KCNJ2: variants seen among roughly 807,000 people sequenced by gnomAD.
KCNJ2 encodes inward rectifier potassium channel 2.
Under a neutral mutation model 28.4 loss-of-function variants are expected in KCNJ2, and 12 were observed. That is an observed-to-expected ratio of 0.42 (90% confidence interval 0.27 to 0.68). The LOEUF (loss-of-function observed/expected upper bound fraction) is 0.68. KCNJ2 is among the 30% of genes least tolerant of loss of function. KCNJ2 has a pLI of 0.23. For synonymous variants in KCNJ2, 200 were observed against 203.2 expected, an observed-to-expected ratio of 0.98 and a Z score of 0.13; for missense variants, 320 against 551.3, an observed-to-expected ratio of 0.58 and a Z score of 4.20.
chr17:70,175,988 G>A lies in KCNJ2; in HGVS notation c.949G>A (p.Ala317Thr), dbSNP rs778898178. Reference sequence around the variant, plus strand: ...GACACAGTGCCGTAGCTCTTATCTAGCAAATGAAATCCTGTGGGGCCACCG... The same window carrying A: ...GACACAGTGCCGTAGCTCTTATCTAACAAATGAAATCCTGTGGGGCCACCG... ...MTTQCRSSYL[A>T]NEILWGHRYE... The change falls in exon 2 of 2, where the codon GCA (alanine) becomes ACA (threonine). Residue 317 changes from alanine to threonine, a missense_variant. Transcript: ENST00000243457. This position sits in a 1 kb window ranked among gnomAD's most constrained non-coding sequence, Gnocchi z 8.3. 1 of 1,614,124 alleles carries A rather than the reference G, an allele frequency of 6.2e-7. No individual in the cohort carries two copies. Among genetic ancestry groups the A allele is most frequent in the Admixed American group, 1.7e-5 (1 of 60,018 alleles).
At chr17:70,170,956 G>A (rs2074362192) in intron 1 of KCNJ2, among the ~76,000 whole-genome samples, 1 of 152,100 alleles carries the variant, frequency 6.6e-6, no homozygotes, top group Non-Finnish European at 1.5e-5. Flanking sequence ...CTAAACTCAT[G>A]TGAATTTTGC....
Position 70,178,658 on chromosome 17 carries a change from G to T in KCNJ2, c.*2335G>T, listed in dbSNP as rs1191309422. The stretch of plus-strand genomic sequence containing the variant: ...GAGAAATTTGAAAGGGGGTGGGTAT[G>T]GGGGGGGCAAGAAAGAGGGAGGGAA... On this transcript the variant is annotated 3_prime_UTR_variant, in exon 2 of 2. Transcript: ENST00000243457. The T allele has an allele frequency of 6.0e-6, 1 of 165,404 alleles. No homozygotes were observed. Among genetic ancestry groups the T allele is most frequent in the Non-Finnish European group, 1.5e-5 (1 of 67,790 alleles). 10.2% of individuals were successfully genotyped at this position (165,404 alleles called of 1,614,324 possible).
At position 70,177,268 on chromosome 17, in the gene KCNJ2, A is replaced by G. The variant is rs1193711461; in HGVS notation, c.*945A>G. ...CATGTAACTTTTTTATTTTAAGAGGAAGAAGAAGAAAGGGGCACACACACA... is the reference window on the plus strand; with the variant it reads ...CATGTAACTTTTTTATTTTAAGAGGGAGAAGAAGAAAGGGGCACACACACA... On this transcript the variant is annotated 3_prime_UTR_variant, in exon 2 of 2. Coordinates refer to ENST00000243457, the MANE Select transcript of KCNJ2 (RefSeq NM_000891.3). 6.0e-6 allele frequency: 1 copy of G among 167,018 alleles called. No individual in the cohort carries two copies. Among genetic ancestry groups the G allele is most frequent in the Non-Finnish European group, 1.5e-5 (1 of 68,164 alleles). 10.3% of individuals were successfully genotyped at this position (167,018 alleles called of 1,614,324 possible). A position where few individuals can be genotyped will look rare whatever the true frequency, so the allele number is the denominator to read the frequency against.
intron 1 of KCNJ2, among the ~76,000 whole-genome samples, 179 bp from the exon 2 acceptor site, chr17:70,174,645 T>C (rs1253931652): frequency 6.6e-6 from 1 of 152,304 alleles, no homozygotes; most frequent in East Asian, 1.9e-4. Context: ...CTTTATGCTT[T>C]TAAATAAAAG....
chr17:70,169,755 A>C (rs1312391880), intron 1 of KCNJ2, 54 bp downstream of exon 1: 1 of 153,028 alleles, frequency 6.5e-6, no homozygotes, highest in Admixed American at 6.5e-5. Context: ...TGTCCTGGGG[A>C]ATGGACTCTG....
rs1598211923 is a variant in KCNJ2, at chr17:70,176,863, T to A, written c.*540T>A. Reference sequence around the variant, plus strand: ...TTAACTGCCAAAACAAGAGCCTGATTTTTTGAGGCCAGTAATTCGTTTGCT... The same window carrying A: ...TTAACTGCCAAAACAAGAGCCTGATATTTTGAGGCCAGTAATTCGTTTGCT... On this transcript the variant is annotated 3_prime_UTR_variant, in exon 2 of 2. Transcript: ENST00000243457. 5.7e-6 allele frequency: 1 copy of A among 175,058 alleles called. No individual in the cohort carries two copies. The highest frequency in any genetic ancestry group is 1.8e-4 in the East Asian group (1 of 5,496). 10.8% of individuals were successfully genotyped at this position (175,058 alleles called of 1,614,324 possible). A position where few individuals can be genotyped will look rare whatever the true frequency, so the allele number is the denominator to read the frequency against.
At position 70,174,897 on chromosome 17, in the gene KCNJ2, C is replaced by T. The variant is rs530600437; in HGVS notation, c.-143C>T. 2.2e-4 allele frequency: 175 copies of T among 799,608 alleles called. No homozygotes were observed. The highest frequency in any genetic ancestry group is 3.5e-4 in the Non-Finnish European group (164 of 474,218). The allele number at this position is 799,608 out of a possible 1,614,324, so 49.5% of individuals were successfully genotyped here. On this transcript the variant is annotated 5_prime_UTR_variant, in exon 2 of 2. Coordinates refer to ENST00000243457, the MANE Select transcript of KCNJ2 (RefSeq NM_000891.3). Reference sequence around the variant, plus strand: ...CAGTAGACAGACCTTGGTAGAACCACAAGGCTCCCAGAGACACCCATCTCT... The same window carrying T: ...CAGTAGACAGACCTTGGTAGAACCATAAGGCTCCCAGAGACACCCATCTCT...
At chr17:70,171,536 T>A (rs1261967602) in intron 1 of KCNJ2, among the ~76,000 whole-genome samples, 1 of 152,220 alleles carries the variant, frequency 6.6e-6, no homozygotes, top group Non-Finnish European at 1.5e-5. Context: ...TTGATTTTTT[T>A]TTTTAGTTAT....
chr17:70,176,102 C>T lies in KCNJ2; in HGVS notation c.1063C>T (p.Leu355Phe), dbSNP rs1411366891. Residue 355 changes from leucine to phenylalanine, a missense_variant, in exon 2 of 2, where the codon CTT becomes TTT. This residue lies in a region of KCNJ2 where 155 missense variants were observed against 231.6 expected (regional missense o/e 0.67). Transcript: ENST00000243457. The part of the protein sequence containing the change: ...HKTYEVPNTP[L>F]CSARDLAEKK... ...AACTTACGAAGTCCCCAACACTCCC[C>T]TTTGTAGTGCCAGAGACTTAGCAGA... 1 of 1,614,098 alleles carries T rather than the reference C, an allele frequency of 6.2e-7. No individual in the cohort carries two copies. Among genetic ancestry groups the T allele is most frequent in the Non-Finnish European group, 8.5e-7 (1 of 1,180,004 alleles).
intron 1 of KCNJ2, among the ~76,000 whole-genome samples, chr17:70,172,489 G>A (rs1041559011): frequency 6.6e-6 from 1 of 152,210 alleles, no homozygotes; most frequent in African/African-American, 2.4e-5. Context: ...AATGTGGAAA[G>A]CTATTCATAG....
At chr17:70,170,454 G>GAA (rs5821759) in intron 1 of KCNJ2, among the ~76,000 whole-genome samples, 6 of 151,742 alleles carry the variant, frequency 4.0e-5, no homozygotes, top group African/African-American at 1.5e-4. Flanking sequence ...ATGACAATTG[G>GAA]AAAAAAAATA....
chr17:70,177,992 T>A lies in KCNJ2; in HGVS notation c.*1669T>A, dbSNP rs1438392816. 7.0e-6 allele frequency: 1 copy of A among 142,960 alleles called. No individual in the cohort carries two copies. Among genetic ancestry groups the A allele is most frequent in the Non-Finnish European group, 1.5e-5 (1 of 67,440 alleles). The allele number at this position is 142,960 out of a possible 1,614,324, so 8.9% of individuals were successfully genotyped here. Reference sequence around the variant, plus strand: ...GCTGACTGCCTTGCTAGAAACATAATTTTTTTTTTCTCACTGAAGCTCAAT... The same window carrying A: ...GCTGACTGCCTTGCTAGAAACATAAATTTTTTTTTCTCACTGAAGCTCAAT... On this transcript the variant is annotated 3_prime_UTR_variant, in exon 2 of 2. Transcript: ENST00000243457.
In KCNJ2 at chr17:70,178,698, T is replaced by A. The variant is rs1325084259; in HGVS notation, c.*2375T>A. ...GAGGGAGGGAAATCTTTCAACTTATTTCTGAAAAAGAGAAAAAAATATAAA... is the reference window on the plus strand; with the variant it reads ...GAGGGAGGGAAATCTTTCAACTTATATCTGAAAAAGAGAAAAAAATATAAA... On this transcript the variant is annotated 3_prime_UTR_variant, in exon 2 of 2. Transcript: ENST00000243457. The A allele has an allele frequency of 6.0e-6, 1 of 166,896 alleles. No homozygotes were observed. Among genetic ancestry groups the A allele is most frequent in the Non-Finnish European group, 1.5e-5 (1 of 68,112 alleles). The allele number at this position is 166,896 out of a possible 1,614,324, so 10.3% of individuals were successfully genotyped here.
Position 70,178,164 on chromosome 17 carries a change from T to A in KCNJ2, c.*1841T>A, listed in dbSNP as rs866586855. Reference sequence around the variant, plus strand: ...TATGCCATTAAAAAACAGCTTGTTCTAGAATCATGTATTTTGTAAACTGAT... The same window carrying A: ...TATGCCATTAAAAAACAGCTTGTTCAAGAATCATGTATTTTGTAAACTGAT... On this transcript the variant is annotated 3_prime_UTR_variant, in exon 2 of 2. Transcript: ENST00000243457. 3 of 166,992 alleles carry A rather than the reference T, an allele frequency of 1.8e-5. No individual in the cohort carries two copies. Among genetic ancestry groups the A allele is most frequent in the South Asian group, 2.1e-4 (1 of 4,832 alleles). 10.3% of individuals were successfully genotyped at this position (166,992 alleles called of 1,614,324 possible).
chr17:70,174,438 C>G (rs931622416), intron 1 of KCNJ2, among the ~76,000 whole-genome samples: 1 of 152,084 alleles, frequency 6.6e-6, no homozygotes, highest in African/African-American at 2.4e-5. Flanking sequence ...TACGACAAAC[C>G]TTGGAATCAG....
Position 70,178,417 on chromosome 17 carries a change from G to C in KCNJ2, c.*2094G>C, listed in dbSNP as rs1463097751. On this transcript the variant is annotated 3_prime_UTR_variant, in exon 2 of 2. Coordinates refer to ENST00000243457, the MANE Select transcript of KCNJ2 (RefSeq NM_000891.3). ...AGTTGGAGGAATTGGGGATTGAGTT[G>C]TAAAGAAAACTTACAGAAGAGGCAA... 6.0e-6 allele frequency: 1 copy of C among 167,022 alleles called. No homozygotes were observed. The highest frequency in any genetic ancestry group is 1.5e-5 in the Non-Finnish European group (1 of 68,116). 10.3% of individuals were successfully genotyped at this position (167,022 alleles called of 1,614,324 possible).
chr17:70,175,448 A>G lies in KCNJ2; in HGVS notation c.409A>G (p.Ile137Val). 1 of 1,614,118 alleles carries G rather than the reference A, an allele frequency of 6.2e-7. No homozygotes were observed. The highest frequency in any genetic ancestry group is 2.2e-5 in the East Asian group (1 of 44,864). Residue 137 changes from isoleucine to valine, a missense_variant, in exon 2 of 2, where the codon ATT (isoleucine) becomes GTT (valine). Around this residue, in one of 3 missense-constraint regions of KCNJ2, gnomAD observed 111 missense variants for 256.7 expected, o/e 0.43. Transcript: ENST00000243457. The surrounding 1 kb of genome is among the most constrained non-coding windows in gnomAD (Gnocchi z 8.3). Reference sequence around the variant, plus strand: ...CTTCACGGCTGCCTTCCTCTTCTCCATTGAGACCCAGACAACCATAGGCTA... The same window carrying G: ...CTTCACGGCTGCCTTCCTCTTCTCCGTTGAGACCCAGACAACCATAGGCTA... Reference protein sequence around the residue: ...NSFTAAFLFSIETQTTIGYGF... With the variant: ...NSFTAAFLFSVETQTTIGYGF...
chr17:70,175,366 C>T lies in KCNJ2; in HGVS notation c.327C>T (p.Leu109=), dbSNP rs140274795. The T allele has an allele frequency of 1.4e-5, 22 of 1,614,010 alleles. No homozygotes were observed. In the African/African-American group the frequency reaches 2.9e-4, roughly 22 times the overall value. Residue 109 remains leucine (L), a synonymous_variant, in exon 2 of 2, where the codon CTC becomes CTT. Coordinates refer to ENST00000243457, the MANE Select transcript of KCNJ2 (RefSeq NM_000891.3). This position sits in a 1 kb window ranked among gnomAD's most constrained non-coding sequence, Gnocchi z 8.3. ...FGCVFWLIAL[L]HGDLDASKEG... is the part of the protein sequence containing the mutation. ...GTGTGTTTTGGTTGATAGCTCTGCTCCATGGGGACCTGGATGCATCCAAAG... is the reference window on the plus strand; with the variant it reads ...GTGTGTTTTGGTTGATAGCTCTGCTTCATGGGGACCTGGATGCATCCAAAG...
At chr17:70,173,885 G>A (rs1251137780) in intron 1 of KCNJ2, among the ~76,000 whole-genome samples, 1 of 152,106 alleles carries the variant, frequency 6.6e-6, no homozygotes, top group Non-Finnish European at 1.5e-5. Flanking sequence ...CATTACACAT[G>A]ACAGCCCCAT....
Sources: allele counts gnomAD v4.1 joint callset (sites outside exome capture counted in the v4.1 genomes callset), GRCh38; gene constraint gnomAD v4.1.1; regional missense constraint gnomAD v4.1.1; non-coding constraint Gnocchi (gnomAD v3.1); transcripts MANE v1.5; gene names NCBI Gene and HGNC (gene_info 2026-07-23, HGNC 2026-07-21).